DLG2: variants seen among roughly 807,000 people sequenced by gnomAD.
DLG2 encodes discs large MAGUK scaffold protein 2.
DLG2 carries 45 observed loss-of-function variants against 132.5 expected under a neutral mutation model. The ratio of observed to expected loss-of-function variants is 0.34; its 90% confidence interval spans 0.27 to 0.44. The LOEUF is 0.44. Among genes scored for constraint, DLG2 ranks in the 20% least tolerant of loss-of-function variants. The probability of loss-of-function intolerance (pLI) is 1.00; values close to 1 mark genes in which losing one functional copy is unlikely to be tolerated. For synonymous variants in DLG2, 424 were observed against 419.6 expected (o/e 1.01, Z -0.13); for missense variants, 1,045 against 1,196.9 (o/e 0.87, Z 1.87).
chr11:85,084,147 A>G (rs1336958530), intron 6 of DLG2, among the ~76,000 whole-genome samples: 1 of 152,214 alleles, frequency 6.6e-6, no homozygotes, highest in Admixed American at 6.5e-5. Flanking sequence ...AAAATAAAAG[A>G]TATTCCAAGA....
chr11:84,265,313 T>G (rs182068329), intron 7 of DLG2, among the ~76,000 whole-genome samples: 37 of 147,000 alleles, frequency 2.5e-4, no homozygotes, highest in African/African-American at 8.7e-4. Context: ...TGTTAAGAGT[T>G]CAATTCACAT....
chr11:85,411,113 C>G (rs2089270288), intron 3 of DLG2, among the ~76,000 whole-genome samples: 1 of 151,484 alleles, frequency 6.6e-6, no homozygotes, highest in Non-Finnish European at 1.5e-5. Context: ...GAGCAGAAAA[C>G]AGAAAAGCAG....
chr11:84,371,990 T>A (rs1402816474), intron 7 of DLG2, among the ~76,000 whole-genome samples: 1 of 152,218 alleles, frequency 6.6e-6, no homozygotes, highest in Non-Finnish European at 1.5e-5. Flanking sequence ...CATGTTCAGA[T>A]CTTCTTGTTA....
chr11:85,574,572 G>A (rs189876801), intron 3 of DLG2, among the ~76,000 whole-genome samples: 1 of 152,294 alleles, frequency 6.6e-6, no homozygotes, highest in African/African-American at 2.4e-5. Flanking sequence ...CAATATGGGA[G>A]GTAGGGCCTA....
At position 85,285,386 on chromosome 11, in the gene DLG2, A is replaced by G. The variant is rs200187269; in HGVS notation, c.41-21T>C. 479 of 1,606,548 alleles carry G rather than the reference A, an allele frequency of 3.0e-4. 2 individuals are homozygous for G. Among genetic ancestry groups the G allele is most frequent in the South Asian group, 9.8e-4 (89 of 90,676 alleles). ...GATATCTGTAAAGAAAATGTAAGGA[A>G]AGCATCAAAATGTAATGCATGACTT... On this transcript the variant is annotated intron_variant, in intron 3 of 27. Transcript: ENST00000376104.
chr11:85,584,339 G>GGTGTGTGTGT (rs61334060), intron 3 of DLG2, among the ~76,000 whole-genome samples: 4 of 144,972 alleles, frequency 2.8e-5, no homozygotes, highest in Non-Finnish European at 4.5e-5. Flanking sequence ...AGTATTCCAT[G>GGTGTGTGTGT]GTGTGTGTGT....
intron 3 of DLG2, among the ~76,000 whole-genome samples, chr11:85,509,198 C>G (rs182382719): frequency 1.3e-5 from 2 of 152,010 alleles, no homozygotes; most frequent in African/African-American, 4.8e-5. Context: ...CCTATCTACA[C>G]CTGAGTCCTG....
chr11:83,539,109 A>C (rs2095983394), intron 20 of DLG2, among the ~76,000 whole-genome samples: 5 of 152,190 alleles, frequency 3.3e-5, no homozygotes, highest in Admixed American at 3.3e-4. Context: ...ATGAGGTTTA[A>C]ATAAATTAAT....
chr11:84,369,495 G>A (rs1437577540), intron 7 of DLG2, among the ~76,000 whole-genome samples: 1 of 152,092 alleles, frequency 6.6e-6, no homozygotes, highest in Admixed American at 6.6e-5. Context: ...GGCTTAGAGA[G>A]GCTAACTTGT....
At chr11:84,207,317 A>G (rs2096683752) in intron 8 of DLG2, among the ~76,000 whole-genome samples, 1 of 152,020 alleles carries the variant, frequency 6.6e-6, no homozygotes, top group Non-Finnish European at 1.5e-5. Context: ...AAAGAAATAT[A>G]AAGGGTCAAG....
At chr11:83,874,084 G>GA (rs1165631804) in intron 16 of DLG2, among the ~76,000 whole-genome samples, 1 of 151,172 alleles carries the variant, frequency 6.6e-6, no homozygotes, top group Admixed American at 6.6e-5. Context: ...CTGATTGAAA[G>GA]AAAAAAAGAG....
chr11:84,030,807 A>T (rs2095669091), intron 11 of DLG2, among the ~76,000 whole-genome samples: 1 of 152,154 alleles, frequency 6.6e-6, no homozygotes, highest in East Asian at 1.9e-4. Flanking sequence ...TCTTCTAACA[A>T]CAGGGAAAAT....
At chr11:84,257,452 T>C (rs2097491705) in intron 7 of DLG2, among the ~76,000 whole-genome samples, 1 of 152,304 alleles carries the variant, frequency 6.6e-6, no homozygotes, top group East Asian at 1.9e-4. Flanking sequence ...TGTATGTACT[T>C]ATATAGCAAA....
intron 4 of DLG2, among the ~76,000 whole-genome samples, chr11:85,267,610 A>C (rs547757865): frequency 2.6e-5 from 4 of 152,284 alleles, no homozygotes; most frequent in African/African-American, 9.6e-5. Flanking sequence ...CTAGACAAAC[A>C]CCTGTCTATC....
At chr11:84,969,919 A>C (rs1169504262) in intron 6 of DLG2, among the ~76,000 whole-genome samples, 1 of 152,214 alleles carries the variant, frequency 6.6e-6, no homozygotes, top group African/African-American at 2.4e-5. Context: ...ACACAGGAAC[A>C]GAAAACCAAA....
At chr11:85,475,673 T>C (rs149339669) in intron 3 of DLG2, among the ~76,000 whole-genome samples, 282 of 152,292 alleles carry the variant, frequency 1.9e-3, no homozygotes, top group African/African-American at 6.5e-3. Flanking sequence ...TCTATAAATT[T>C]ATTTATTCTT....
At chr11:83,727,691 GCA>G (rs1485037361) in intron 18 of DLG2, among the ~76,000 whole-genome samples, 1 of 152,182 alleles carries the variant, frequency 6.6e-6, no homozygotes, top group African/African-American at 2.4e-5. Context: ...TGGATGGAGT[GCA>G]AAGCTATCAG....
rs141457260 is a variant in DLG2, at chr11:84,896,547, C to A, written c.357+215114G>T. ...TTGTATCAATAATAACAGAACCTGCCATTTGTTGAGTTCTCACCATATGCC... is the reference window on the plus strand; with the variant it reads ...TTGTATCAATAATAACAGAACCTGCAATTTGTTGAGTTCTCACCATATGCC... On this transcript the variant is annotated intron_variant, in intron 6 of 27. Transcript: ENST00000376104. Among the ~76,000 whole-genome samples the A allele has an allele frequency of 1.6e-3, 236 of 152,030 alleles. 2 individuals carry two copies. The highest frequency in any genetic ancestry group is 5.5e-3 in the African/African-American group (228 of 41,516).
intron 6 of DLG2, among the ~76,000 whole-genome samples, chr11:84,657,758 T>C (rs2099689969): frequency 6.6e-6 from 1 of 152,194 alleles, no homozygotes; most frequent in Non-Finnish European, 1.5e-5. Context: ...CTTAACAGGC[T>C]ACAGGCCAGT....
Sources: allele counts gnomAD v4.1 joint callset (sites outside exome capture counted in the v4.1 genomes callset), GRCh38; gene constraint gnomAD v4.1.1; transcripts MANE v1.5; gene names NCBI Gene and HGNC (gene_info 2026-07-23, HGNC 2026-07-21).